The following ABCC1 variants were observed in gnomAD, a reference collection of about 807,000 sequenced individuals.
ABCC1 encodes the protein multidrug resistance-associated protein 1.
In ABCC1, 83 loss-of-function variants were observed where a neutral mutation model predicts 172.9. The observed-to-expected ratio is 0.48, with a 90% CI of 0.40 to 0.58. ABCC1 has a LOEUF of 0.58. Ranked by LOEUF, ABCC1 falls within the 20% of genes least tolerant of loss-of-function variation. The pLI, the probability that ABCC1 is intolerant of heterozygous loss-of-function variation, is 0.00. For synonymous variants in ABCC1, 937 were observed against 825.2 expected (o/e 1.14, Z -2.32); for missense variants, 1,817 against 2,002.7 (o/e 0.91, Z 1.77).
chr16:16,104,203 A>C (rs1483374835), intron 20 of ABCC1, among the ~76,000 whole-genome samples: 2 of 152,156 alleles, frequency 1.3e-5, no homozygotes, highest in Non-Finnish European at 2.9e-5. Flanking sequence ...TAAAGCTTCC[A>C]CAGTTTGGAA....
intron 1 of ABCC1, among the ~76,000 whole-genome samples, chr16:15,951,325 A>G (rs1597046018): frequency 6.6e-6 from 1 of 152,158 alleles, no homozygotes; most frequent in African/African-American, 2.4e-5. Flanking sequence ...ATGGCTAATG[A>G]GTATGTTTGG....
chr16:16,020,730 T>G (rs1382732601), intron 5 of ABCC1, among the ~76,000 whole-genome samples: 1 of 152,214 alleles, frequency 6.6e-6, no homozygotes, highest in Non-Finnish European at 1.5e-5. Context: ...TTTCTTCCTA[T>G]GCAAGGCAAG....
At chr16:16,104,921 G>T (rs909426491) in intron 20 of ABCC1, among the ~76,000 whole-genome samples, 1 of 152,150 alleles carries the variant, frequency 6.6e-6, no homozygotes, top group Non-Finnish European at 1.5e-5. Flanking sequence ...GCAGCTCTGA[G>T]TGCGGGGTCC....
At chr16:16,058,119 G>T (rs2049749378) in intron 12 of ABCC1, among the ~76,000 whole-genome samples, 1 of 152,058 alleles carries the variant, frequency 6.6e-6, no homozygotes, top group African/African-American at 2.4e-5. Flanking sequence ...GTCTATCCCT[G>T]CCTAGCTGGC....
In ABCC1 at chr16:16,014,599, A is replaced by G. The variant is rs779359541; in HGVS notation, c.460A>G (p.Arg154Gly). The change falls in exon 4 of 31, where the codon AGA (arginine) becomes GGA (glycine). Residue 154 changes from arginine (R) to glycine (G), a missense_variant. Physicochemically the swap from Arg to Gly is moderately radical, Grantham distance 125 (BLOSUM62 -2). Coordinates refer to ENST00000399410, the MANE Select transcript of ABCC1 (RefSeq NM_004996.4). ...CCTAGTGTGTGCCCTAGCCATCCTG[A>G]GATCCAAAATTATGACAGCCTTAAA... ...VALVCALAIL[R>G]SKIMTALKED... is the part of the protein sequence containing the mutation. 1 of 1,613,964 alleles carries G rather than the reference A, an allele frequency of 6.2e-7. No homozygotes were observed. The highest frequency in any genetic ancestry group is 8.5e-7 in the Non-Finnish European group (1 of 1,179,984).
At chr16:16,026,161 G>A (rs1017837607) in intron 5 of ABCC1, among the ~76,000 whole-genome samples, 3 of 152,124 alleles carry the variant, frequency 2.0e-5, no homozygotes, top group African/African-American at 7.2e-5. Flanking sequence ...GCCGGGTGCA[G>A]TGGCTCATGC....
At chr16:16,089,610 C>G (rs2152016263) in intron 18 of ABCC1, among the ~76,000 whole-genome samples, 1 of 151,910 alleles carries the variant, frequency 6.6e-6, no homozygotes, top group African/African-American at 2.4e-5. Flanking sequence ...CGGCTCACAC[C>G]TGTAATCCTA....
At chr16:16,061,261 A>G (rs1485230059) in intron 12 of ABCC1, among the ~76,000 whole-genome samples, 2 of 152,226 alleles carry the variant, frequency 1.3e-5, no homozygotes, top group Non-Finnish European at 2.9e-5. Context: ...ATGTATTTGC[A>G]TATGGTGAAA....
chr16:16,105,706 TTTC>T (rs1261593287), intron 20 of ABCC1, among the ~76,000 whole-genome samples: 1 of 139,738 alleles, frequency 7.2e-6, no homozygotes, highest in African/African-American at 2.8e-5. Flanking sequence ...TTTCTTTTCT[TTTC>T]TTTTCTTTTT....
chr16:16,139,826 A>G (rs2046065300), intron 30 of ABCC1, among the ~76,000 whole-genome samples: 1 of 152,108 alleles, frequency 6.6e-6, no homozygotes, highest in Non-Finnish European at 1.5e-5. Context: ...GTGACATTTT[A>G]GCTGAGACCT....
chr16:16,112,831 T>G (rs2044681111), intron 22 of ABCC1, among the ~76,000 whole-genome samples: 1 of 152,206 alleles, frequency 6.6e-6, no homozygotes, highest in African/African-American at 2.4e-5. Flanking sequence ...GACTTCACAT[T>G]CCACAGTGCT....
chr16:16,114,734 C>T lies in ABCC1; in HGVS notation c.3080-32C>T, dbSNP rs1198558877. 1.9e-6 allele frequency: 3 copies of T among 1,559,014 alleles called. No individual in the cohort carries two copies. In the South Asian group the frequency reaches 3.6e-5, roughly 19 times the overall value. On this transcript the variant is annotated intron_variant, in intron 22 of 30. Transcript: ENST00000399410. ...CAGTGCCTGGTCAGCTCCCTCTCTG[C>T]ATTGTGGAGTTTTAACTCCGAGTGT...
chr16:16,034,023 C>CTTTTTTTTTTTTTTTTTTTTTT (rs10580146), intron 6 of ABCC1, among the ~76,000 whole-genome samples: 3 of 86,830 alleles, frequency 3.5e-5, no homozygotes, highest in Admixed American at 1.8e-4. Context: ...TAAGCATCAT[C>CTTTTTTTTTTTTTTTTTTTTTT]TTTTTTTTTT....
intron 12 of ABCC1, among the ~76,000 whole-genome samples, chr16:16,067,952 G>T (rs2050175736): frequency 6.6e-6 from 1 of 152,140 alleles, no homozygotes; most frequent in Non-Finnish European, 1.5e-5. Flanking sequence ...CCCGGTCGTT[G>T]ATTTATCCAG....
chr16:16,066,606 G>T, intron 12 of ABCC1, among the ~76,000 whole-genome samples: 1 of 151,874 alleles, frequency 6.6e-6, no homozygotes, highest in East Asian at 1.9e-4. Flanking sequence ...TTCGAGTAAA[G>T]AATATCTCTG....
chr16:15,997,805 C>CTTT (rs34346901), intron 1 of ABCC1, among the ~76,000 whole-genome samples: 2,487 of 116,776 alleles, frequency 0.021, 146 homozygotes, highest in Middle Eastern at 0.04. Context: ...GCCTCGATAC[C>CTTT]TTTTTTTTTT....
intron 5 of ABCC1, among the ~76,000 whole-genome samples, chr16:16,021,341 G>A (rs1355815196): frequency 6.6e-6 from 1 of 151,736 alleles, no homozygotes; most frequent in East Asian, 1.9e-4. Context: ...GTTGCATTTT[G>A]GGGGGTTAAA....
At chr16:16,091,212 C>G (rs1327591052) in intron 19 of ABCC1, among the ~76,000 whole-genome samples, 3 of 151,838 alleles carry the variant, frequency 2.0e-5, no homozygotes, top group Admixed American at 1.3e-4. Flanking sequence ...GAGGATCGCT[C>G]CAGCTCAGGA....
At chr16:16,023,447 G>C (rs1422139881) in intron 5 of ABCC1, among the ~76,000 whole-genome samples, 1 of 152,086 alleles carries the variant, frequency 6.6e-6, no homozygotes, top group Admixed American at 6.6e-5. Flanking sequence ...AAGTTCCCTC[G>C]TGCCCCTTCA....
Sources: gnomAD v4.1 joint callset for allele counts (sites outside exome capture counted in the v4.1 genomes callset) on GRCh38, gnomAD v4.1.1 for gene constraint, MANE v1.5 for transcripts, NCBI Gene and HGNC (gene_info 2026-07-23, HGNC 2026-07-21) for gene names.